The following TTC17 variants were observed in gnomAD, a reference collection of about 807,000 sequenced individuals.
TTC17 encodes the protein tetratricopeptide repeat protein 17.
In TTC17, 58 loss-of-function variants were observed where a neutral mutation model predicts 143.8. That is an observed-to-expected ratio of 0.40 (90% CI 0.33 to 0.50). TTC17 has a LOEUF of 0.50. Ranked by LOEUF, TTC17 falls within the 20% of genes least tolerant of loss-of-function variation. The pLI is 0.49. For synonymous variants in TTC17, 501 were observed against 497.8 expected (o/e 1.01, Z -0.09); for missense variants, 1,273 against 1,392.5 (o/e 0.91, Z 1.37).
At position 43,405,722 on chromosome 11, in the gene TTC17, A is replaced by T. The variant is rs1379006723; in HGVS notation, c.1596-64A>T. The T allele has an allele frequency of 1.2e-5, 20 of 1,611,690 alleles. No individual in the cohort carries two copies. The African/African-American group carries it at 2.4e-4, about 19-fold the overall frequency. ...CACCAGCCTTGGACTTGAAAAGTTA[A>T]GTCTTTATCTTGAAGTCACCCAAAC... On this transcript the variant is annotated intron_variant, in intron 12 of 23. Coordinates refer to ENST00000039989, the MANE Select transcript of TTC17 (RefSeq NM_018259.6).
intron 1 of TTC17, among the ~76,000 whole-genome samples, chr11:43,371,367 G>C (rs1291902486): frequency 5.3e-5 from 8 of 152,150 alleles, no homozygotes; most frequent in Admixed American, 4.6e-4. Flanking sequence ...TTCAAGTTGG[G>C]GCTCCCATAG....
rs760288089 is a variant in TTC17 at position 43,379,198 on chromosome 11, A to T, written c.160-35A>T. The stretch of plus-strand genomic sequence containing the variant: ...TGTTAATCCAAACCAGCATTAATGA[A>T]ATCCGAGCTTTATTTATTTATTGCT... On this transcript the variant is annotated intron_variant, in intron 1 of 23. Coordinates refer to ENST00000039989, the MANE Select transcript of TTC17 (RefSeq NM_018259.6). 7 of 1,585,394 alleles carry T rather than the reference A, an allele frequency of 4.4e-6. No homozygotes were observed. The South Asian group carries it at 7.8e-5, about 18-fold the overall frequency.
chr11:43,451,087 G>C, intron 20 of TTC17, 95 bp from the exon 21 acceptor site: 1 of 1,156,556 alleles, frequency 8.6e-7, no homozygotes, highest in Middle Eastern at 2.0e-4. Flanking sequence ...AAAACAGTTT[G>C]CCTCTGTGGT....
intron 21 of TTC17, among the ~76,000 whole-genome samples, chr11:43,469,473 C>T (rs1948047193): frequency 6.6e-6 from 1 of 152,062 alleles, no homozygotes; most frequent in African/African-American, 2.4e-5. Flanking sequence ...GTGAGGTGCC[C>T]ATCAATAGAA....
intron 21 of TTC17, among the ~76,000 whole-genome samples, chr11:43,488,109 T>C (rs1427005187): frequency 6.6e-6 from 1 of 152,160 alleles, no homozygotes; most frequent in Non-Finnish European, 1.5e-5. Flanking sequence ...CATGAGCCGT[T>C]CTTGAGGAAA....
At chr11:43,457,954 A>C (rs1255148272) in intron 21 of TTC17, among the ~76,000 whole-genome samples, 2 of 152,142 alleles carry the variant, frequency 1.3e-5, no homozygotes, top group Non-Finnish European at 2.9e-5. Context: ...AGATTCTAGA[A>C]GCTCAGCAGA....
Position 43,447,928 on chromosome 11 carries a change from AT to A in TTC17, c.2666-73del. 5 of 1,548,794 alleles carry A rather than the reference AT, an allele frequency of 3.2e-6. No individual in the cohort carries two copies. In the South Asian group the frequency reaches 6.0e-5, roughly 19 times the overall value. On this transcript the variant is annotated intron_variant, in intron 18 of 23. Coordinates refer to ENST00000039989, the MANE Select transcript of TTC17 (RefSeq NM_018259.6). The stretch of plus-strand genomic sequence containing the variant: ...CAAATACACCAATCCAGGTGAAGTA[AT>A]CACCAGGGCATAAGGCCCTTTGGGT...
chr11:43,447,173 A>C (rs933035367), intron 18 of TTC17, among the ~76,000 whole-genome samples: 2 of 152,318 alleles, frequency 1.3e-5, no homozygotes, highest in Non-Finnish European at 1.5e-5. Context: ...CAAGAAAGCA[A>C]GGTGCTGTCT....
chr11:43,401,946 C>T (rs1430007378), intron 10 of TTC17, among the ~76,000 whole-genome samples: 1 of 151,466 alleles, frequency 6.6e-6, no homozygotes, highest in African/African-American at 2.4e-5. Context: ...CCATTGCACT[C>T]CAGCCTGGGC....
rs747908745 is a variant in TTC17 at position 43,420,160 on chromosome 11, T to C, written c.2251+5384T>C. ...GTATTTATGAACCTACAAGCAAAGA[T>C]TGTGATTTACTCAAATTACAGTCAG... On this transcript the variant is annotated intron_variant, in intron 16 of 23. Transcript: ENST00000039989. Among the ~76,000 whole-genome samples, 57 of 152,316 alleles carry C rather than the reference T, an allele frequency of 3.7e-4. 1 individual carries two copies. The highest frequency in any genetic ancestry group is 7.8e-4 in the Non-Finnish European group (53 of 68,022).
intron 3 of TTC17, chr11:43,390,158 A>G (rs1857322653): frequency 6.0e-6 from 1 of 166,586 alleles, no homozygotes; most frequent in African/African-American, 2.4e-5. Flanking sequence ...AAAAATGTTA[A>G]AAATTAGCCA....
At chr11:43,452,443 G>A (rs1400189374) in intron 21 of TTC17, among the ~76,000 whole-genome samples, 3 of 152,180 alleles carry the variant, frequency 2.0e-5, no homozygotes, top group Non-Finnish European at 4.4e-5. Context: ...GGAGGTTGCA[G>A]TGAGCCAAGA....
intron 21 of TTC17, among the ~76,000 whole-genome samples, chr11:43,461,433 C>T (rs931750174): frequency 2.1e-4 from 25 of 120,016 alleles, no homozygotes; most frequent in Non-Finnish European, 3.8e-4. Context: ...GCCATTGTAA[C>T]AACATGTTTA....
chr11:43,450,872 C>G (rs1947644129), intron 20 of TTC17, among the ~76,000 whole-genome samples: 1 of 151,976 alleles, frequency 6.6e-6, no homozygotes, highest in South Asian at 2.1e-4. Context: ...GTTGTTAATA[C>G]CTCTCTATAT....
intron 16 of TTC17, among the ~76,000 whole-genome samples, chr11:43,442,838 C>G (rs988859052): frequency 6.6e-6 from 1 of 152,042 alleles, no homozygotes; most frequent in Admixed American, 6.6e-5. Context: ...AAAATGGGAG[C>G]CTTCATGTAG....
intron 1 of TTC17, among the ~76,000 whole-genome samples, chr11:43,377,469 C>G (rs1345506813): frequency 6.6e-6 from 1 of 152,172 alleles, no homozygotes; most frequent in Non-Finnish European, 1.5e-5. Flanking sequence ...TTCCCAAAGA[C>G]AAGTCATACA....
At chr11:43,459,984 G>C (rs1179974708) in intron 21 of TTC17, among the ~76,000 whole-genome samples, 1 of 152,134 alleles carries the variant, frequency 6.6e-6, no homozygotes, top group Non-Finnish European at 1.5e-5. Flanking sequence ...GCTTACGATG[G>C]GTTTATCAAG....
chr11:43,478,477 A>C (rs1948225924), intron 21 of TTC17, among the ~76,000 whole-genome samples: 1 of 152,182 alleles, frequency 6.6e-6, no homozygotes, highest in African/African-American at 2.4e-5. Context: ...TACCCATGAA[A>C]TTGTATGAAA....
intron 21 of TTC17, among the ~76,000 whole-genome samples, chr11:43,484,699 A>C (rs1948349835): frequency 6.6e-6 from 1 of 152,180 alleles, no homozygotes; most frequent in Non-Finnish European, 1.5e-5. Flanking sequence ...AAAACAAGAC[A>C]TTATGCTGTT....
Sources: allele counts gnomAD v4.1 joint callset (sites outside exome capture counted in the v4.1 genomes callset), GRCh38; gene constraint gnomAD v4.1.1; transcripts MANE v1.5; gene names NCBI Gene and HGNC (gene_info 2026-07-23, HGNC 2026-07-21).